Variants in NTAQ1 observed in about 807,000 individuals in gnomAD.
NTAQ1 encodes the protein N-terminal glutamine amidase 1.
Under a neutral mutation model 28.2 loss-of-function variants are expected in NTAQ1, and 21 were observed. The ratio of observed to expected loss-of-function variants is 0.74; its 90% CI spans 0.53 to 1.07. The LOEUF is 1.07. Among genes scored for constraint, NTAQ1 ranks in the 50% least tolerant of loss-of-function variants. The pLI, the probability that NTAQ1 is intolerant of heterozygous loss-of-function variation, is 0.00. For missense variants in NTAQ1, 264 were observed against 256.6 expected, an observed-to-expected ratio of 1.03 and a Z score of -0.20; for synonymous variants, 105 against 90.0, an observed-to-expected ratio of 1.17 and a Z score of -0.94.
At chr8:123,474,255 T>G (rs1816069178), downstream of NTAQ1, among the ~76,000 whole-genome samples, 1 of 152,212 alleles carries the variant, frequency 6.6e-6, no homozygotes. Flanking sequence ...CCAATTGAAC[T>G]TAGTTATGAG....
At chr8:123,446,791 A>G (rs929602958), downstream of NTAQ1, among the ~76,000 whole-genome samples, 1 of 152,196 alleles carries the variant, frequency 6.6e-6, no homozygotes, top group African/African-American at 2.4e-5. Flanking sequence ...CTATGAACTT[A>G]GGAAGTTAAG....
chr8:123,464,946 G>A (rs1002534954), intron 6 of NTAQ1, among the ~76,000 whole-genome samples: 6 of 152,126 alleles, frequency 3.9e-5, no homozygotes, highest in African/African-American at 9.7e-5. Flanking sequence ...GCTGAGGCAC[G>A]AGAATCACTT....
At chr8:123,424,995 A>G (rs1813956575) in intron 1 of NTAQ1, among the ~76,000 whole-genome samples, 1 of 152,194 alleles carries the variant, frequency 6.6e-6, no homozygotes, top group Non-Finnish European at 1.5e-5. Context: ...AGCCAGAGAG[A>G]TAATTGTCTT....
chr8:123,470,909 T>G (rs988413407), downstream of NTAQ1, among the ~76,000 whole-genome samples: 3 of 144,070 alleles, frequency 2.1e-5, no homozygotes, highest in East Asian at 3.9e-4. Flanking sequence ...TGTTTCTCCT[T>G]CCTTTTTTCT....
chr8:123,456,951 A>G (rs1352761237), intron 6 of NTAQ1, among the ~76,000 whole-genome samples: 1 of 152,246 alleles, frequency 6.6e-6, no homozygotes, highest in Admixed American at 6.5e-5. Flanking sequence ...AGCTGTGGGC[A>G]TAACAACAGG....
chr8:123,416,897 C>T lies in NTAQ1; in HGVS notation c.48C>T (p.Pro16=), dbSNP rs998413308. 2 of 1,526,582 alleles carry T rather than the reference C, an allele frequency of 1.3e-6. No individual in the cohort carries two copies. Among genetic ancestry groups the T allele is most frequent in the Non-Finnish European group, 1.8e-6 (2 of 1,137,778 alleles). The allele number at this position is 1,526,582 out of a possible 1,614,324, so 94.6% of individuals were successfully genotyped here. A position where few individuals can be genotyped will look rare whatever the true frequency, so the allele number is the denominator to read the frequency against. Reference sequence around the variant, plus strand: ...CTGTCCACTACCAGCCGGCCAGCCCCCCGCGGGACGCCTGCGTCTACAGCA... The same window carrying T: ...CTGTCCACTACCAGCCGGCCAGCCCTCCGCGGGACGCCTGCGTCTACAGCA... ...PAAVHYQPAS[P]PRDACVYSSC... is the part of the protein sequence containing the mutation. Residue 16 remains proline (P), a synonymous_variant, in exon 1 of 6, where the codon CCC becomes CCT. Coordinates refer to ENST00000287387, the MANE Select transcript of NTAQ1 (RefSeq NM_018024.3).
intron 6 of NTAQ1, among the ~76,000 whole-genome samples, chr8:123,459,800 CTTT>C (rs35644112): frequency 8.4e-6 from 1 of 119,602 alleles, no homozygotes. Context: ...ATACATCATT[CTTT>C]TTTTTTTTTT....
At chr8:123,424,273 T>C (rs10110826) in intron 1 of NTAQ1, among the ~76,000 whole-genome samples, 135,366 of 150,512 alleles carry the variant, frequency 0.9, 61,067 homozygotes, top group East Asian at 0.99. Context: ...GACGAAGTCT[T>C]GCACTGTTGC....
chr8:123,465,538 C>A (rs1815939570), intron 6 of NTAQ1, among the ~76,000 whole-genome samples: 1 of 150,504 alleles, frequency 6.6e-6, no homozygotes, highest in South Asian at 2.1e-4. Flanking sequence ...ATAGTACGTA[C>A]CCTTTTGAGA....
chr8:123,473,156 G>A (rs543002884), downstream of NTAQ1, among the ~76,000 whole-genome samples: 8 of 152,128 alleles, frequency 5.3e-5, no homozygotes, highest in African/African-American at 1.4e-4. Flanking sequence ...ACATACAACC[G>A]ATCACAAAAT....
chr8:123,422,761 G>T (rs996885972), intron 1 of NTAQ1, among the ~76,000 whole-genome samples: 2 of 151,922 alleles, frequency 1.3e-5, no homozygotes, highest in Non-Finnish European at 2.9e-5. Flanking sequence ...TTCTTCTAGG[G>T]TTTTATAGTT....
At chr8:123,455,311 C>T (rs962362775) in intron 6 of NTAQ1, among the ~76,000 whole-genome samples, 12 of 152,020 alleles carry the variant, frequency 7.9e-5, no homozygotes, top group Non-Finnish European at 1.8e-4. Context: ...CTGTCGGTGA[C>T]TTGCACAGAG....
chr8:123,429,303 C>A (rs1814254414), intron 2 of NTAQ1, among the ~76,000 whole-genome samples: 1 of 152,208 alleles, frequency 6.6e-6, no homozygotes, highest in South Asian at 2.1e-4. Context: ...TGAGAGCTTT[C>A]ATTGTTGGGG....
rs1004792577 is a variant in NTAQ1 at position 123,416,936 on chromosome 8, A to T, written c.83+4A>T. Reference sequence around the variant, plus strand: ...GCGTCTACAGCAGCTGCTACTGGTGAGGGGGCGCGGGCGCAGCCTCTGGGT... The same window carrying T: ...GCGTCTACAGCAGCTGCTACTGGTGTGGGGGCGCGGGCGCAGCCTCTGGGT... On this transcript the variant is annotated splice_donor_region_variant and intron_variant, in intron 1 of 5. Transcript: ENST00000287387. The T allele has an allele frequency of 2.2e-5, 33 of 1,490,544 alleles. No homozygotes were observed. Among genetic ancestry groups the T allele is most frequent in the Admixed American group, 6.6e-5 (3 of 45,414 alleles). 92.3% of individuals were successfully genotyped at this position (1,490,544 alleles called of 1,614,324 possible).
At chr8:123,417,397 G>C (rs1813365410) in intron 1 of NTAQ1, among the ~76,000 whole-genome samples, 1 of 152,128 alleles carries the variant, frequency 6.6e-6, no homozygotes, top group African/African-American at 2.4e-5. Context: ...CTAAATCACT[G>C]AGCATCACAA....
downstream of NTAQ1, among the ~76,000 whole-genome samples, chr8:123,446,330 G>T (rs1049075629): frequency 1.4e-4 from 21 of 152,182 alleles, no homozygotes; most frequent in African/African-American, 4.3e-4. Flanking sequence ...TCTAGAGCAG[G>T]AGTTGGCAAA....
intron 6 of NTAQ1, among the ~76,000 whole-genome samples, chr8:123,453,756 A>G (rs561161071): frequency 6.6e-6 from 1 of 152,264 alleles, no homozygotes; most frequent in Non-Finnish European, 1.5e-5. Flanking sequence ...CTTCATGTGT[A>G]TGAACTCAAT....
At chr8:123,424,303 C>T (rs1002815584) in intron 1 of NTAQ1, among the ~76,000 whole-genome samples, 1 of 151,152 alleles carries the variant, frequency 6.6e-6, no homozygotes, top group Non-Finnish European at 1.5e-5. Flanking sequence ...AGTGCAGTAG[C>T]ACGATCTCAG....
At chr8:123,433,740 G>A (rs1261440078) in intron 3 of NTAQ1, among the ~76,000 whole-genome samples, 2 of 152,136 alleles carry the variant, frequency 1.3e-5, no homozygotes, top group East Asian at 1.9e-4. Flanking sequence ...GAGCTACCAT[G>A]CCCAGCCTTT....
Sources: allele counts gnomAD v4.1 joint callset (sites outside exome capture counted in the v4.1 genomes callset), GRCh38; gene constraint gnomAD v4.1.1; transcripts MANE v1.5; gene names NCBI Gene and HGNC (gene_info 2026-07-23, HGNC 2026-07-21).